The following TDRD3 variants were observed in gnomAD, a reference collection of about 807,000 sequenced individuals.
The protein encoded by TDRD3 is tudor domain-containing protein 3.
TDRD3 carries 45 observed loss-of-function variants against 86.7 expected under a neutral mutation model. That is an observed-to-expected ratio of 0.52 (90% CI 0.41 to 0.67). The LOEUF (loss-of-function observed/expected upper bound fraction) is 0.67, where lower values mean the gene tolerates loss of function less well. Ranked by LOEUF, TDRD3 falls within the 30% of genes least tolerant of loss-of-function variation. TDRD3 has a pLI of 0.00. For synonymous variants in TDRD3, 298 were observed against 301.7 expected (o/e 0.99, Z 0.13); for missense variants, 814 against 889.0 (o/e 0.92, Z 1.07).
intron 6 of TDRD3, among the ~76,000 whole-genome samples, chr13:60,485,477 T>G (rs191980224): frequency 6.6e-6 from 1 of 152,114 alleles, no homozygotes; most frequent in Admixed American, 6.5e-5. Flanking sequence ...TGTGCATTAG[T>G]CAAGATTGTT....
intron 12 of TDRD3, among the ~76,000 whole-genome samples, chr13:60,548,179 G>C (rs75230967): frequency 2.0e-3 from 301 of 152,284 alleles, no homozygotes; most frequent in Middle Eastern, 3.4e-3. Context: ...CTATTTGTTT[G>C]GTCAGTGCTT....
At chr13:60,517,455 A>C (rs538281360) in intron 10 of TDRD3, among the ~76,000 whole-genome samples, 1 of 152,194 alleles carries the variant, frequency 6.6e-6, no homozygotes. Flanking sequence ...GCATTACTAC[A>C]TATTGATGGA....
intron 1 of TDRD3, among the ~76,000 whole-genome samples, chr13:60,428,698 G>A (rs1355129993): frequency 6.6e-6 from 1 of 152,188 alleles, no homozygotes; most frequent in Admixed American, 6.5e-5. Context: ...ACGTCCTCGT[G>A]CATCCTGAGA....
intron 3 of TDRD3, among the ~76,000 whole-genome samples, chr13:60,452,960 T>A (rs1955582602): frequency 3.9e-5 from 6 of 152,104 alleles, no homozygotes; most frequent in Admixed American, 3.9e-4. Flanking sequence ...ATAGACTTTG[T>A]TAATGTTGTT....
intron 12 of TDRD3, among the ~76,000 whole-genome samples, chr13:60,550,641 C>T (rs1031741467): frequency 6.6e-6 from 1 of 152,020 alleles, no homozygotes; most frequent in African/African-American, 2.4e-5. Flanking sequence ...TTTAGTATTA[C>T]ATTAGTCAAG....
intron 2 of TDRD3, among the ~76,000 whole-genome samples, chr13:60,441,465 C>T (rs1955270693): frequency 6.6e-6 from 1 of 151,876 alleles, no homozygotes; most frequent in Non-Finnish European, 1.5e-5. Context: ...ATACTGCAGT[C>T]CAAAGCTATG....
chr13:60,478,608 A>G (rs1485448557), intron 5 of TDRD3, among the ~76,000 whole-genome samples: 1 of 151,898 alleles, frequency 6.6e-6, no homozygotes, highest in Middle Eastern at 3.2e-3. Flanking sequence ...CCCGGTCCAC[A>G]GTCTGTCAAT....
At chr13:60,460,915 A>T (rs1231508114) in intron 4 of TDRD3, 3 of 154,878 alleles carry the variant, frequency 1.9e-5, no homozygotes, top group African/African-American at 7.2e-5. Flanking sequence ...AGGTGGGAGA[A>T]TAGCTTGAAC....
chr13:60,557,855 C>A (rs1203278456), intron 12 of TDRD3, among the ~76,000 whole-genome samples: 1 of 98,072 alleles, frequency 1.0e-5, no homozygotes, highest in African/African-American at 3.6e-5. Flanking sequence ...GACAGAGTCT[C>A]GCTCTGTCAC....
intron 7 of TDRD3, among the ~76,000 whole-genome samples, chr13:60,489,920 A>G (rs1956543889): frequency 6.6e-6 from 1 of 152,134 alleles, no homozygotes; most frequent in Non-Finnish European, 1.5e-5. Context: ...TTTTCTACCA[A>G]GGATTTTGTT....
intron 8 of TDRD3, among the ~76,000 whole-genome samples, chr13:60,498,817 G>A (rs1182275143): frequency 1.3e-5 from 2 of 152,118 alleles, no homozygotes; most frequent in African/African-American, 4.8e-5. Context: ...CTGGAAACTG[G>A]CTCAGCTGAT....
intron 10 of TDRD3, among the ~76,000 whole-genome samples, chr13:60,516,025 C>T (rs1957159888): frequency 6.6e-6 from 1 of 152,166 alleles, no homozygotes; most frequent in Non-Finnish European, 1.5e-5. Flanking sequence ...TTCATATTAG[C>T]AGCATCATTT....
intron 8 of TDRD3, among the ~76,000 whole-genome samples, chr13:60,508,259 A>C (rs939164150): frequency 3.3e-5 from 5 of 152,202 alleles, no homozygotes; most frequent in Admixed American, 1.3e-4. Context: ...ACAGAATTAG[A>C]AAAAACTACT....
intron 10 of TDRD3, among the ~76,000 whole-genome samples, chr13:60,523,800 C>T: frequency 6.6e-6 from 1 of 152,078 alleles, no homozygotes; most frequent in African/African-American, 2.4e-5. Flanking sequence ...TAGTTTTGAA[C>T]TCCTGACCTC....
chr13:60,440,216 A>C (rs1270104682), intron 2 of TDRD3, among the ~76,000 whole-genome samples: 2 of 152,186 alleles, frequency 1.3e-5, no homozygotes, highest in Admixed American at 6.6e-5. Flanking sequence ...ATTTCAGAAA[A>C]AAACAGAAAA....
At chr13:60,476,348 T>C (rs571602110) in intron 5 of TDRD3, among the ~76,000 whole-genome samples, 9 of 152,296 alleles carry the variant, frequency 5.9e-5, no homozygotes, top group Admixed American at 2.0e-4. Flanking sequence ...ATCAGGCGTT[T>C]GTAGTTGTAT....
At chr13:60,488,429 A>G (rs1462800273) in intron 7 of TDRD3, among the ~76,000 whole-genome samples, 1 of 152,206 alleles carries the variant, frequency 6.6e-6, no homozygotes, top group Non-Finnish European at 1.5e-5. Context: ...TGTTTATACA[A>G]AAAAACTGTC....
chr13:60,496,126 C>T (rs1956706809), intron 8 of TDRD3, among the ~76,000 whole-genome samples: 1 of 151,104 alleles, frequency 6.6e-6, no homozygotes, highest in Non-Finnish European at 1.5e-5. Flanking sequence ...GACAGACTGG[C>T]CTAGGCTCCC....
chr13:60,417,809 G>A (rs901114187), intron 1 of TDRD3, among the ~76,000 whole-genome samples: 1 of 152,034 alleles, frequency 6.6e-6, no homozygotes, highest in African/African-American at 2.4e-5. Context: ...CATCTCCCAA[G>A]TTCTTCTTCT....
Sources: gnomAD v4.1 joint callset for allele counts (sites outside exome capture counted in the v4.1 genomes callset) on GRCh38, gnomAD v4.1.1 for gene constraint, MANE v1.5 for transcripts, NCBI Gene and HGNC (gene_info 2026-07-23, HGNC 2026-07-21) for gene names.